Variants in ME3 observed in about 807,000 individuals in gnomAD.
The protein encoded by ME3 is malic enzyme 3.
A neutral mutation model predicts 68.9 loss-of-function variants in ME3; 48 were observed. That is an observed-to-expected ratio of 0.70 (90% CI 0.55 to 0.89). The LOEUF (loss-of-function observed/expected upper bound fraction) is 0.89, where lower values mean the gene tolerates loss of function less well. Ranked by LOEUF, ME3 falls within the 40% of genes least tolerant of loss-of-function variation. ME3 has a pLI of 0.00. For missense variants in ME3, 675 were observed against 797.4 expected, an observed-to-expected ratio of 0.85 and a Z score of 1.85; for synonymous variants, 320 against 318.8, an observed-to-expected ratio of 1.00 and a Z score of -0.04.
At position 86,629,924 on chromosome 11, in the gene ME3, T is replaced by G. The variant is rs190206175; in HGVS notation, c.183+41838A>C. 3.0e-3 allele frequency among the ~76,000 whole-genome samples: 450 copies of G among 152,264 alleles called. 2 individuals are homozygous for G. The highest frequency in any genetic ancestry group is 0.011 in the African/African-American group (440 of 41,562). ...TGTTGAGGTTTAATTCTGCTATACC[T>G]GCACCATGACAATGAGGTGGTATGA... is the stretch of plus-strand genomic sequence containing the variant. On this transcript the variant is annotated intron_variant, in intron 2 of 14. Transcript: ENST00000543262.
chr11:86,653,609 A>C (rs11530863), intron 2 of ME3, among the ~76,000 whole-genome samples: 30,572 of 152,140 alleles, frequency 0.2, 3,928 homozygotes, highest in East Asian at 0.56. Flanking sequence ...CGTAGAGGGA[A>C]ATTTATAGCA....
chr11:86,473,573 G>T (rs768290678), intron 7 of ME3, among the ~76,000 whole-genome samples: 2 of 152,138 alleles, frequency 1.3e-5, no homozygotes, highest in Non-Finnish European at 2.9e-5. Flanking sequence ...GAGATCCTGA[G>T]AGCTAGGAGG....
intron 2 of ME3, among the ~76,000 whole-genome samples, chr11:86,640,212 A>ATCT (rs1157985221): frequency 6.6e-6 from 1 of 152,242 alleles, no homozygotes. Context: ...CTGCAAGGCC[A>ATCT]TCTTCTGGTA....
At position 86,571,817 on chromosome 11, in the gene ME3, C is replaced by T. The variant is rs76930130; in HGVS notation, c.184-11994G>A. Among the ~76,000 whole-genome samples the T allele has an allele frequency of 1.2e-4, 18 of 152,224 alleles. No individual in the cohort carries two copies. In the South Asian group the frequency reaches 2.9e-3, roughly 25 times the overall value. Reference sequence around the variant, plus strand: ...AGGGTAAATAGGAGTTAGAGATTAACGTAATGCAAGGGAAGGGCCCTAAGG... The same window carrying T: ...AGGGTAAATAGGAGTTAGAGATTAATGTAATGCAAGGGAAGGGCCCTAAGG... On this transcript the variant is annotated intron_variant, in intron 2 of 14. Transcript: ENST00000543262.
chr11:86,668,453 A>G (rs749012360), intron 2 of ME3, among the ~76,000 whole-genome samples: 43 of 152,308 alleles, frequency 2.8e-4, no homozygotes, highest in Non-Finnish European at 4.3e-4. Context: ...CATGTCTCAT[A>G]GTTTGTAACT....
In ME3 at chr11:86,457,531, GTGGTTCT is replaced by G. The variant is rs1163970486; in HGVS notation, c.920-7140_920-7134del. 34 of 1,140,410 alleles carry G rather than the reference GTGGTTCT, an allele frequency of 3.0e-5. No homozygotes were observed. The East Asian group carries it at 1.1e-3, about 38-fold the overall frequency. 70.6% of individuals were successfully genotyped at this position (1,140,410 alleles called of 1,614,324 possible). On this transcript the variant is annotated intron_variant, in intron 8 of 14. Coordinates refer to ENST00000543262, the Ensembl canonical transcript of ME3. ...AGGCCAGAACTCAAGAGGAAAAACA[GTGGTTCT>G]TAAGCTCCAAATTACAAAATTTGGC... is the stretch of plus-strand genomic sequence containing the variant.
chr11:86,559,839 A>G lies in ME3; in HGVS notation c.184-16T>C, dbSNP rs1178382868. The stretch of plus-strand genomic sequence containing the variant: ...AGGCCATCCCCTGGGAAAAACAGGA[A>G]AAGAACACCCACACATAAGTGCATA... On this transcript the variant is annotated splice_polypyrimidine_tract_variant and intron_variant, in intron 2 of 14. Transcript: ENST00000543262. 1 of 1,611,746 alleles carries G rather than the reference A, an allele frequency of 6.2e-7. No homozygotes were observed. The highest frequency in any genetic ancestry group is 8.5e-7 in the Non-Finnish European group (1 of 1,178,876).
intron 8 of ME3, among the ~76,000 whole-genome samples, chr11:86,455,805 G>A (rs3819227): frequency 0.3 from 45,584 of 152,002 alleles, 7,087 homozygotes; most frequent in South Asian, 0.37. Context: ...CTATATCATG[G>A]TCAGGCTCAG....
At chr11:86,452,323 T>A (rs1189857728) in intron 8 of ME3, among the ~76,000 whole-genome samples, 2 of 152,214 alleles carry the variant, frequency 1.3e-5, no homozygotes, top group African/African-American at 4.8e-5. Flanking sequence ...AGGGGATTAC[T>A]TTTCTGGCTG....
chr11:86,670,653 AAC>A (rs1414710502), intron 2 of ME3, among the ~76,000 whole-genome samples: 9 of 152,170 alleles, frequency 5.9e-5, no homozygotes, highest in African/African-American at 2.2e-4. Flanking sequence ...TTCTGTAGGA[AAC>A]AGTCACAATA....
rs543573294 is a variant in ME3 at position 86,468,180 on chromosome 11, C to T, written c.810-2980G>A. On this transcript the variant is annotated intron_variant, in intron 7 of 14. Coordinates refer to ENST00000543262, the Ensembl canonical transcript of ME3. The stretch of plus-strand genomic sequence containing the variant: ...GCACCAAGACCTCTGAGCCCTTCAC[C>T]ATGTTATCCCAGTGCCTCAGGCCCT... Among the ~76,000 whole-genome samples the T allele has an allele frequency of 3.3e-5, 5 of 152,300 alleles. No individual in the cohort carries two copies. The East Asian group carries it at 9.6e-4, about 29-fold the overall frequency.
intron 2 of ME3, chr11:86,667,735 C>T (rs190193487): frequency 1.3e-5 from 2 of 152,004 alleles, no homozygotes; most frequent in Admixed American, 6.6e-5. Context: ...GGGAATAGGA[C>T]GGCTCTTCCT....
chr11:86,524,918 A>C (rs1327420942), intron 4 of ME3, among the ~76,000 whole-genome samples: 1 of 152,236 alleles, frequency 6.6e-6, no homozygotes, highest in Non-Finnish European at 1.5e-5. Flanking sequence ...TTCCGCCTCC[A>C]AACTACAAAT....
chr11:86,607,997 T>A (rs1003228598), intron 2 of ME3, among the ~76,000 whole-genome samples: 2 of 152,170 alleles, frequency 1.3e-5, no homozygotes, highest in African/African-American at 4.8e-5. Flanking sequence ...TCCCACATGC[T>A]TGGCACCAGG....
intron 13 of ME3, among the ~76,000 whole-genome samples, chr11:86,445,761 G>A (rs574652386): frequency 1.3e-5 from 2 of 152,118 alleles, no homozygotes; most frequent in African/African-American, 4.8e-5. Flanking sequence ...TCTTTTGTGC[G>A]CTTATCTAGT....
At chr11:86,603,642 A>G (rs12222903) in intron 2 of ME3, among the ~76,000 whole-genome samples, 26,388 of 152,048 alleles carry the variant, frequency 0.17, 2,632 homozygotes, top group East Asian at 0.39. Context: ...AGACACATGC[A>G]TACATATGTT....
intron 2 of ME3, among the ~76,000 whole-genome samples, chr11:86,619,455 A>C (rs1943205290): frequency 6.6e-6 from 1 of 152,202 alleles, no homozygotes; most frequent in African/African-American, 2.4e-5. Context: ...TCCCCACCCA[A>C]ATCTCATCTT....
At chr11:86,574,770 C>G (rs755362818) in intron 2 of ME3, among the ~76,000 whole-genome samples, 4 of 152,170 alleles carry the variant, frequency 2.6e-5, no homozygotes, top group Non-Finnish European at 5.9e-5. Flanking sequence ...AGACTCAGTA[C>G]GTCAACTTTC....
At chr11:86,511,127 A>G (rs867030874) in intron 4 of ME3, among the ~76,000 whole-genome samples, 2 of 152,320 alleles carry the variant, frequency 1.3e-5, no homozygotes, top group Middle Eastern at 6.8e-3. Context: ...CCACGCTTCC[A>G]ATATCTGTTG....
Sources: gnomAD v4.1 joint callset for allele counts (sites outside exome capture counted in the v4.1 genomes callset) on GRCh38, gnomAD v4.1.1 for gene constraint, MANE v1.5 for transcripts, NCBI Gene and HGNC (gene_info 2026-07-23, HGNC 2026-07-21) for gene names.